Variants in PCDHA3 observed in about 807,000 individuals in gnomAD.
PCDHA3 encodes the protein protocadherin alpha-3.
A neutral mutation model predicts 62.2 loss-of-function variants in PCDHA3; 41 were observed. The observed-to-expected ratio is 0.66, with a 90% CI of 0.51 to 0.86. The LOEUF (loss-of-function observed/expected upper bound fraction) is 0.86, where lower values mean the gene tolerates loss of function less well. PCDHA3 is among the 40% of genes least tolerant of loss of function. PCDHA3 has a pLI of 0.00. For missense variants in PCDHA3, 1,304 were observed against 1,241.2 expected (o/e 1.05, Z -0.76); for synonymous variants, 640 against 555.4 (o/e 1.15, Z -2.14).
chr5:140,862,586 C>G (rs2047435706), intron 1 of PCDHA3: 3 of 498,034 alleles, frequency 6.0e-6, no homozygotes, highest in Non-Finnish European at 1.2e-5. Flanking sequence ...TTCCAGCAGC[C>G]CGAGTACATG....
intron 1 of PCDHA3, chr5:140,861,911 G>A (rs1428528633): frequency 1.3e-5 from 2 of 154,368 alleles, no homozygotes; most frequent in East Asian, 1.9e-4. Context: ...ATATATCACA[G>A]CGCTGGATGT....
At chr5:140,872,610 T>C (rs1270918795) in intron 1 of PCDHA3, among the ~76,000 whole-genome samples, 2 of 152,146 alleles carry the variant, frequency 1.3e-5, no homozygotes, top group Non-Finnish European at 2.9e-5. Context: ...AAAATAATTT[T>C]TTTTGCCTGT....
intron 3 of PCDHA3, among the ~76,000 whole-genome samples, chr5:140,999,218 C>T (rs1410560466): frequency 6.6e-6 from 1 of 152,180 alleles, no homozygotes; most frequent in Non-Finnish European, 1.5e-5. Context: ...GGAAGTACTA[C>T]ATTTGAGAAT....
Position 140,843,942 on chromosome 5 carries a change from A to C in PCDHA3, c.2394+40351A>C, listed in dbSNP as rs1779153148. On this transcript the variant is annotated intron_variant, in intron 1 of 3. Transcript: ENST00000522353. ...TTGAAACTCAAGTTATGGTTGGATG[A>C]TATCCATTTTTTACTGAATATTTAT... 11 of 569,722 alleles carry C rather than the reference A, an allele frequency of 1.9e-5. 1 individual carries two copies. The East Asian group carries it at 3.2e-4, about 17-fold the overall frequency. 35.3% of individuals were successfully genotyped at this position (569,722 alleles called of 1,614,324 possible).
At chr5:140,856,589 A>G in intron 1 of PCDHA3, 1 of 1,597,786 alleles carries the variant, frequency 6.3e-7, no homozygotes, top group Non-Finnish European at 8.6e-7. Flanking sequence ...TGTTCTTGAT[A>G]TTATAAACAA....
intron 1 of PCDHA3, among the ~76,000 whole-genome samples, chr5:140,934,548 ATT>A (rs1290393008): frequency 1.3e-5 from 2 of 152,018 alleles, no homozygotes; most frequent in African/African-American, 2.4e-5. Context: ...TAATTCTATC[ATT>A]TCTTCTTTTT....
chr5:140,856,716 G>A, intron 1 of PCDHA3: 1 of 1,596,628 alleles, frequency 6.3e-7, no homozygotes. Context: ...GAATTTACCG[G>A]ATCTGTTTCT....
At chr5:140,873,835 A>G (rs917455135) in intron 1 of PCDHA3, among the ~76,000 whole-genome samples, 3 of 151,964 alleles carry the variant, frequency 2.0e-5, no homozygotes, top group Admixed American at 6.6e-5. Flanking sequence ...TAATTTTTGT[A>G]TTTTTAGTAG....
At chr5:140,908,804 T>C (rs1157142483) in intron 1 of PCDHA3, among the ~76,000 whole-genome samples, 2 of 152,162 alleles carry the variant, frequency 1.3e-5, no homozygotes, top group African/African-American at 4.8e-5. Context: ...CATTAAAAAG[T>C]GAGAGCCTTT....
Position 140,803,067 on chromosome 5 carries a change from G to C in PCDHA3, c.1870G>C (p.Val624Leu). The C allele has an allele frequency of 1.2e-6, 2 of 1,613,946 alleles. No individual in the cohort carries two copies. The highest frequency in any genetic ancestry group is 2.7e-5 in the African/African-American group (2 of 75,070). Residue 624 changes from valine to leucine, a missense_variant, in exon 1 of 4, where the codon GTG becomes CTG. Transcript: ENST00000522353. ...CGGCGGTGCGCGCATCCCGTTTCGC[G>C]TGGGGCTGTACACGGGAGAGATCAG... Reference protein sequence around the residue: ...GTGGARIPFRVGLYTGEISTT... With the variant: ...GTGGARIPFRLGLYTGEISTT...
intron 1 of PCDHA3, among the ~76,000 whole-genome samples, chr5:140,838,930 T>C (rs10059211): frequency 0.025 from 3,848 of 151,876 alleles, 212 homozygotes; most frequent in African/African-American, 0.088. Context: ...TAAAATAAAA[T>C]GAAATAATAA....
intron 1 of PCDHA3, chr5:140,870,564 G>T (rs782511789): frequency 1.2e-6 from 2 of 1,613,884 alleles, no homozygotes; most frequent in Non-Finnish European, 1.7e-6. Context: ...AGGAGAACGC[G>T]CTGGTGTCCT....
intron 1 of PCDHA3, chr5:140,863,482 A>C (rs2048042905): frequency 4.3e-6 from 2 of 466,950 alleles, no homozygotes; most frequent in East Asian, 1.2e-4. Context: ...TCGCCTCCCA[A>C]GGTCAACATT....
At chr5:140,904,519 A>C (rs576512079) in intron 1 of PCDHA3, among the ~76,000 whole-genome samples, 2 of 152,174 alleles carry the variant, frequency 1.3e-5, no homozygotes, top group Non-Finnish European at 2.9e-5. Context: ...GTGCTGCTAT[A>C]AACTTGTGTG....
intron 1 of PCDHA3, chr5:140,824,256 C>T (rs1554129826): frequency 7.4e-7 from 1 of 1,360,360 alleles, no homozygotes; most frequent in Non-Finnish European, 1.0e-6. Context: ...ACAATTATTG[C>T]ACTAATTCAT....
At chr5:140,916,264 A>G (rs1455161672) in intron 1 of PCDHA3, among the ~76,000 whole-genome samples, 1 of 152,200 alleles carries the variant, frequency 6.6e-6, no homozygotes, top group East Asian at 1.9e-4. Flanking sequence ...CCCCAAGAGC[A>G]TGCTTGTTGC....
chr5:140,837,978 C>T (rs1554136732), intron 1 of PCDHA3, among the ~76,000 whole-genome samples: 1 of 151,764 alleles, frequency 6.6e-6, no homozygotes, highest in African/African-American at 2.4e-5. Context: ...CACACCCAGC[C>T]TGCCTTTCAT....
intron 1 of PCDHA3, chr5:140,861,587 G>A (rs781869263): frequency 4.3e-5 from 16 of 374,992 alleles, no homozygotes; most frequent in Middle Eastern, 1.0e-3. Context: ...TCCATGTGGA[G>A]GTGAAAGTGA....
intron 1 of PCDHA3, chr5:140,850,230 G>T (rs2150474720): frequency 6.3e-7 from 1 of 1,594,052 alleles, no homozygotes; most frequent in South Asian, 1.1e-5. Flanking sequence ...CGCAGTGAGC[G>T]AGATGGTGCT....
Sources: gnomAD v4.1 joint callset for allele counts (sites outside exome capture counted in the v4.1 genomes callset) on GRCh38, gnomAD v4.1.1 for gene constraint, MANE v1.5 for transcripts, NCBI Gene and HGNC (gene_info 2026-07-23, HGNC 2026-07-21) for gene names.